RALYL: variants seen among roughly 807,000 people sequenced by gnomAD.
RALYL encodes the protein RALY RNA binding protein like.
Under a neutral mutation model 35.1 loss-of-function variants are expected in RALYL, and 29 were observed. The ratio of observed to expected loss-of-function variants is 0.83; its 90% CI spans 0.61 to 1.13. The LOEUF (loss-of-function observed/expected upper bound fraction) is 1.13, where lower values mean the gene tolerates loss of function less well. RALYL is among the 50% of genes most tolerant of loss of function. The pLI is 0.00. For synonymous variants in RALYL, 120 were observed against 127.6 expected, an observed-to-expected ratio of 0.94 and a Z score of 0.40; for missense variants, 359 against 360.4, an observed-to-expected ratio of 1.00 and a Z score of 0.03.
chr8:84,195,230 G>T (rs1005482328), intron 1 of RALYL, among the ~76,000 whole-genome samples: 1 of 152,018 alleles, frequency 6.6e-6, no homozygotes, highest in Non-Finnish European at 1.5e-5. Context: ...TTATATGTAA[G>T]TCACTGTATT....
At chr8:84,298,521 T>C (rs1051589291) in intron 1 of RALYL, among the ~76,000 whole-genome samples, 1 of 152,160 alleles carries the variant, frequency 6.6e-6, no homozygotes, top group African/African-American at 2.4e-5. Flanking sequence ...TTGCTTAGGA[T>C]TACTTTGGCT....
At chr8:84,505,173 A>T (rs562361936) in intron 1 of RALYL, among the ~76,000 whole-genome samples, 1 of 152,148 alleles carries the variant, frequency 6.6e-6, no homozygotes, top group Non-Finnish European at 1.5e-5. Context: ...TTTGCCATCA[A>T]TCTGCACCTT....
chr8:84,234,806 C>T (rs913132328), intron 1 of RALYL, among the ~76,000 whole-genome samples: 2 of 151,330 alleles, frequency 1.3e-5, no homozygotes. Context: ...GCTCTGTAGC[C>T]CAGGCTGGAG....
intron 1 of RALYL, among the ~76,000 whole-genome samples, chr8:84,239,227 A>C (rs570988694): frequency 5.9e-5 from 9 of 152,346 alleles, no homozygotes; most frequent in Admixed American, 3.3e-4. Context: ...AGAAACTCTC[A>C]CCAACTGAAC....
At chr8:84,846,041 T>G (rs1183691744) in intron 4 of RALYL, among the ~76,000 whole-genome samples, 1 of 152,180 alleles carries the variant, frequency 6.6e-6, no homozygotes, top group African/African-American at 2.4e-5. Context: ...TACCGTAGCC[T>G]TGTAGTATAG....
intron 3 of RALYL, among the ~76,000 whole-genome samples, chr8:84,795,989 T>G (rs1283039936): frequency 3.9e-5 from 6 of 152,206 alleles, no homozygotes; most frequent in African/African-American, 1.2e-4. Context: ...TCTTTGTGTA[T>G]TCATCATAAC....
intron 1 of RALYL, among the ~76,000 whole-genome samples, chr8:84,248,183 A>G (rs16912601): frequency 0.03 from 4,546 of 152,236 alleles, 103 homozygotes; most frequent in East Asian, 0.12. Flanking sequence ...ATATGTGATT[A>G]AATTTAGTTG....
At chr8:84,477,596 A>G (rs1462152967) in intron 1 of RALYL, among the ~76,000 whole-genome samples, 4 of 150,944 alleles carry the variant, frequency 2.6e-5, no homozygotes, top group Admixed American at 2.6e-4. Flanking sequence ...TTTATTATAA[A>G]TAAATAAATA....
chr8:84,755,674 TG>T lies in RALYL; in HGVS notation c.257-18904del, dbSNP rs1166433756. Among the ~76,000 whole-genome samples, 4 of 152,052 alleles carry T rather than the reference TG, an allele frequency of 2.6e-5. No homozygotes were observed. In the East Asian group the frequency reaches 7.7e-4, roughly 29 times the overall value. Reference sequence around the variant, plus strand: ...GTGATAAGAAATCATCTGCCAATGTTGTTTCTTAATATTTAATCATATATAT... The same window carrying T: ...GTGATAAGAAATCATCTGCCAATGTTTTTCTTAATATTTAATCATATATAT... On this transcript the variant is annotated intron_variant, in intron 2 of 8. Transcript: ENST00000521268.
intron 2 of RALYL, among the ~76,000 whole-genome samples, chr8:84,710,185 C>T (rs895230777): frequency 6.6e-6 from 1 of 152,152 alleles, no homozygotes; most frequent in Non-Finnish European, 1.5e-5. Flanking sequence ...CACCTTCACA[C>T]CTCTCTGTTG....
chr8:84,241,724 A>T (rs1241895837), intron 1 of RALYL, among the ~76,000 whole-genome samples: 1 of 150,812 alleles, frequency 6.6e-6, no homozygotes, highest in African/African-American at 2.4e-5. Flanking sequence ...GTTGCCATGA[A>T]CCAAGATTGT....
intron 2 of RALYL, among the ~76,000 whole-genome samples, chr8:84,714,541 T>G (rs1842669981): frequency 6.6e-6 from 1 of 151,714 alleles, no homozygotes; most frequent in South Asian, 2.1e-4. Flanking sequence ...TAAAATACTG[T>G]CATGAATGCA....
At chr8:84,912,296 C>G (rs962962536) in intron 8 of RALYL, among the ~76,000 whole-genome samples, 15 of 152,030 alleles carry the variant, frequency 9.9e-5, no homozygotes, top group African/African-American at 3.6e-4. Flanking sequence ...TCCTATCACC[C>G]TTATCATTTA....
At chr8:84,258,359 G>C (rs1027555160) in intron 1 of RALYL, among the ~76,000 whole-genome samples, 1 of 152,088 alleles carries the variant, frequency 6.6e-6, no homozygotes, top group Non-Finnish European at 1.5e-5. Flanking sequence ...AAAATTTAAA[G>C]GAATAGATAT....
At chr8:84,684,286 C>A (rs536445970) in intron 2 of RALYL, among the ~76,000 whole-genome samples, 1 of 152,220 alleles carries the variant, frequency 6.6e-6, no homozygotes, top group Admixed American at 6.5e-5. Context: ...AGTTACTGTG[C>A]TGACCATTTA....
At chr8:84,347,792 G>A (rs1422095398) in intron 1 of RALYL, among the ~76,000 whole-genome samples, 1 of 152,098 alleles carries the variant, frequency 6.6e-6, no homozygotes, top group East Asian at 1.9e-4. Context: ...ATTAGCATCA[G>A]CAGCTTTGCC....
At chr8:84,343,065 G>A (rs1393806499) in intron 1 of RALYL, among the ~76,000 whole-genome samples, 1 of 152,070 alleles carries the variant, frequency 6.6e-6, no homozygotes, top group African/African-American at 2.4e-5. Context: ...ATTAACAGCT[G>A]TGATTCTTGC....
intron 1 of RALYL, among the ~76,000 whole-genome samples, chr8:84,402,154 T>A (rs1047287937): frequency 6.6e-6 from 1 of 152,190 alleles, no homozygotes; most frequent in African/African-American, 2.4e-5. Flanking sequence ...ATCACTTTTG[T>A]TTTGTTTTAT....
At chr8:84,687,822 T>G (rs1482000741) in intron 2 of RALYL, among the ~76,000 whole-genome samples, 1 of 152,086 alleles carries the variant, frequency 6.6e-6, no homozygotes, top group Non-Finnish European at 1.5e-5. Flanking sequence ...TTGAAATTGC[T>G]GAGATTGTTA....
Sources: gnomAD v4.1 joint callset for allele counts (sites outside exome capture counted in the v4.1 genomes callset) on GRCh38, gnomAD v4.1.1 for gene constraint, MANE v1.5 for transcripts, NCBI Gene and HGNC (gene_info 2026-07-23, HGNC 2026-07-21) for gene names.